ANKEF1: variants seen among roughly 807,000 people sequenced by gnomAD.
ANKEF1 encodes ankyrin repeat and EF-hand domain containing 1, also known as ankyrin repeat and EF-hand domain-containing protein 1.
ANKEF1 carries 43 observed loss-of-function variants against 65.1 expected under a neutral mutation model. The observed-to-expected ratio is 0.66, with a 90% CI of 0.52 to 0.85. The LOEUF (loss-of-function observed/expected upper bound fraction) is 0.85, where lower values mean the gene tolerates loss of function less well. Ranked by LOEUF, ANKEF1 falls within the 40% of genes least tolerant of loss-of-function variation. ANKEF1 has a pLI of 0.00. For synonymous variants in ANKEF1, 316 were observed against 341.5 expected, an observed-to-expected ratio of 0.93 and a Z score of 0.82; for missense variants, 934 against 952.9, an observed-to-expected ratio of 0.98 and a Z score of 0.26.
In ANKEF1 at chr20:10,045,675, C is replaced by T; in HGVS notation, c.798C>T (p.Cys266=). The part of the protein sequence containing the change: ...HYAAMGGFAD[C]CKYIAQRGCD... ...CTGCCATGGGTGGTTTTGCAGACTGCTGTAAATATATAGCTCAGCGAGGTA... is the reference window on the plus strand; with the variant it reads ...CTGCCATGGGTGGTTTTGCAGACTGTTGTAAATATATAGCTCAGCGAGGTA... Residue 266 remains cysteine, a synonymous_variant, in exon 6 of 11, where the codon TGC becomes TGT. Transcript: ENST00000378392. 6.2e-7 allele frequency: 1 copy of T among 1,613,702 alleles called. No homozygotes were observed. The highest frequency in any genetic ancestry group is 8.5e-7 in the Non-Finnish European group (1 of 1,179,748).
intron 6 of ANKEF1, among the ~76,000 whole-genome samples, chr20:10,046,504 G>A (rs1200528320): frequency 6.6e-6 from 1 of 152,078 alleles, no homozygotes; most frequent in Non-Finnish European, 1.5e-5. Context: ...TTTAATTTTA[G>A]ATTTTCCTGT....
chr20:10,051,905 A>G lies in ANKEF1; in HGVS notation c.1870+16A>G, dbSNP rs1984884224. On this transcript the variant is annotated intron_variant, in intron 8 of 10. Coordinates refer to ENST00000378392, the MANE Select transcript of ANKEF1 (RefSeq NM_022096.6). ...AATAGAAAAGGTATGCGTTCATATT[A>G]TTGATGATTAGGGTTAGAAAAGGAG... 1 of 1,563,654 alleles carries G rather than the reference A, an allele frequency of 6.4e-7. No homozygotes were observed. Among genetic ancestry groups the G allele is most frequent in the South Asian group, 1.1e-5 (1 of 88,396 alleles).
Position 10,045,697 on chromosome 20 carries a change from G to A in ANKEF1, c.820G>A (p.Gly274Arg). Reference protein sequence around the residue: ...ADCCKYIAQRGCDLKWKNLDH... With the variant: ...ADCCKYIAQRRCDLKWKNLDH... ...CTGCTGTAAATATATAGCTCAGCGA[G>A]GTAAAATTGTCTAGCAATTTTGTGC... Residue 274 changes from glycine (G) to arginine (R), a missense_variant and splice_region_variant, in exon 6 of 11, where the codon GGA (glycine) becomes AGA (arginine). Transcript: ENST00000378392. 1 of 1,613,052 alleles carries A rather than the reference G, an allele frequency of 6.2e-7. No individual in the cohort carries two copies. Among genetic ancestry groups the A allele is most frequent in the South Asian group, 1.1e-5 (1 of 90,982 alleles).
Position 10,049,506 on chromosome 20 carries a change from C to G in ANKEF1, c.937C>G (p.Leu313Val). ...CCGAGCAGAGAGAATCGCTAATAAA[C>G]TAGCCAGGCCAGGAGCCAAAAATCC... ...IRRAERIANK[L>V]ARPGAKNPNP... Residue 313 changes from leucine (L) to valine (V), a missense_variant, in exon 7 of 11, where the codon CTA (leucine) becomes GTA (valine). By Grantham distance (32) the Leu-to-Val change is conservative (BLOSUM62 1). Coordinates refer to ENST00000378392, the MANE Select transcript of ANKEF1 (RefSeq NM_022096.6). The G allele has an allele frequency of 6.2e-7, 1 of 1,614,008 alleles. No homozygotes were observed. The highest frequency in any genetic ancestry group is 2.2e-5 in the East Asian group (1 of 44,876).
intron 8 of ANKEF1, among the ~76,000 whole-genome samples, chr20:10,052,835 A>G (rs1043936424): frequency 3.0e-4 from 46 of 152,182 alleles, no homozygotes; most frequent in Admixed American, 2.7e-3. Flanking sequence ...ATGTAATATA[A>G]TATTTCCTAT....
chr20:10,046,586 A>ATTGG (rs1984535494), intron 6 of ANKEF1, among the ~76,000 whole-genome samples: 1 of 151,504 alleles, frequency 6.6e-6, no homozygotes, highest in Non-Finnish European at 1.5e-5. Flanking sequence ...AAATGAAAAT[A>ATTGG]TTAATTATAT....
At chr20:10,050,461 A>G (rs1421579214) in intron 7 of ANKEF1, among the ~76,000 whole-genome samples, 2 of 152,216 alleles carry the variant, frequency 1.3e-5, no homozygotes, top group Admixed American at 6.5e-5. Context: ...AATGCCCTAT[A>G]AAAGTATGTG....
chr20:10,045,566 T>C lies in ANKEF1; in HGVS notation c.697-8T>C, dbSNP rs1186035434. 1 of 1,612,752 alleles carries C rather than the reference T, an allele frequency of 6.2e-7. No individual in the cohort carries two copies. Among genetic ancestry groups the C allele is most frequent in the Admixed American group, 1.7e-5 (1 of 59,968 alleles). On this transcript the variant is annotated splice_region_variant and splice_polypyrimidine_tract_variant and intron_variant, in intron 5 of 10. Coordinates refer to ENST00000378392, the MANE Select transcript of ANKEF1 (RefSeq NM_022096.6). ...ATTCCTCCACAATATCCACTATTTA[T>C]TTTACAGATATTGAAGCTTCTTTTT...
At chr20:10,041,965 T>C (rs1984219643) in intron 3 of ANKEF1, among the ~76,000 whole-genome samples, 1 of 152,228 alleles carries the variant, frequency 6.6e-6, no homozygotes, top group African/African-American at 2.4e-5. Context: ...CAAGTTATAG[T>C]GTAGAGATCC....
At chr20:10,050,590 A>G (rs555159995) in intron 7 of ANKEF1, among the ~76,000 whole-genome samples, 3 of 142,542 alleles carry the variant, frequency 2.1e-5, no homozygotes, top group Non-Finnish European at 3.1e-5. Context: ...TAGATCTTAT[A>G]TGGGAAACCA....
At chr20:10,048,941 AC>A (rs1196827768) in intron 6 of ANKEF1, among the ~76,000 whole-genome samples, 1 of 152,214 alleles carries the variant, frequency 6.6e-6, no homozygotes, top group Non-Finnish European at 1.5e-5. Context: ...ACACAGATTT[AC>A]AGTTTAAATC....
rs1391835757 is a variant in ANKEF1 at position 10,056,394 on chromosome 20, T to C, written c.*734T>C. 1 of 151,376 alleles carries C rather than the reference T, an allele frequency of 6.6e-6. No homozygotes were observed. Among genetic ancestry groups the C allele is most frequent in the East Asian group, 2.0e-4 (1 of 5,090 alleles). The allele number at this position is 151,376 out of a possible 1,614,324, so 9.4% of individuals were successfully genotyped here. A position where few individuals can be genotyped will look rare whatever the true frequency, so the allele number is the denominator to read the frequency against. The stretch of plus-strand genomic sequence containing the variant: ...CCTTTAATTGCAGCAAAAACCGCAA[T>C]TACTTTTGCTCCAACCTGACAGCTA... On this transcript the variant is annotated 3_prime_UTR_variant, in exon 11 of 11. Coordinates refer to ENST00000378392, the MANE Select transcript of ANKEF1 (RefSeq NM_022096.6).
At chr20:10,046,246 A>T (rs1248887745) in intron 6 of ANKEF1, among the ~76,000 whole-genome samples, 2 of 152,206 alleles carry the variant, frequency 1.3e-5, no homozygotes, top group Non-Finnish European at 2.9e-5. Context: ...CAAAAAACAA[A>T]CAAACAACAA....
intron 6 of ANKEF1, 89 bp downstream of exon 6, chr20:10,045,786 G>C (rs1386558025): frequency 2.9e-6 from 4 of 1,399,264 alleles, no homozygotes; most frequent in Non-Finnish European, 3.9e-6. Flanking sequence ...TCACTTGTCA[G>C]TGGCTTATTT....
intron 4 of ANKEF1, among the ~76,000 whole-genome samples, chr20:10,044,106 C>A (rs2122237930): frequency 6.6e-6 from 1 of 152,174 alleles, no homozygotes; most frequent in African/African-American, 2.4e-5. Context: ...TCTCTTTCTC[C>A]CTTTTTATTC....
chr20:10,047,845 C>A (rs1984607412), intron 6 of ANKEF1, among the ~76,000 whole-genome samples: 1 of 152,172 alleles, frequency 6.6e-6, no homozygotes, highest in Non-Finnish European at 1.5e-5. Context: ...GCCTTTAGCT[C>A]TTTAAAGTGG....
chr20:10,036,922 G>A (rs1049399191), intron 2 of ANKEF1, among the ~76,000 whole-genome samples: 1 of 152,072 alleles, frequency 6.6e-6, no homozygotes, highest in Non-Finnish European at 1.5e-5. Context: ...CTAGCCCTGG[G>A]CACCCAACAT....
Position 10,038,659 on chromosome 20 carries a change from G to A in ANKEF1, c.346+12G>A, listed in dbSNP as rs766210721. On this transcript the variant is annotated intron_variant, in intron 3 of 10. Transcript: ENST00000378392. ...TAATGAAGGAAAAGGTAAAAATCCC[G>A]ACATCCTCTCCAGCAGATTGCAATT... The A allele has an allele frequency of 6.4e-6, 10 of 1,562,368 alleles. No individual in the cohort carries two copies. Among genetic ancestry groups the A allele is most frequent in the South Asian group, 2.3e-5 (2 of 85,942 alleles).
chr20:10,049,476 A>G lies in ANKEF1; in HGVS notation c.907A>G (p.Ile303Val). ...EGGFKAASKE[I>V]RRAERIANKL... ...CGGCTTCAAAGCAGCAAGCAAAGAA[A>G]TACGCCGAGCAGAGAGAATCGCTAA... The change falls in exon 7 of 11, where the codon ATA becomes GTA. Residue 303 changes from isoleucine (I) to valine (V), a missense_variant. Physicochemically the swap from Ile to Val is conservative, Grantham distance 29 (BLOSUM62 3). Transcript: ENST00000378392. The G allele has an allele frequency of 6.2e-7, 1 of 1,614,166 alleles. No individual in the cohort carries two copies. The highest frequency in any genetic ancestry group is 8.5e-7 in the Non-Finnish European group (1 of 1,180,010).
Sources: gnomAD v4.1 joint callset for allele counts (sites outside exome capture counted in the v4.1 genomes callset) on GRCh38, gnomAD v4.1.1 for gene constraint, MANE v1.5 for transcripts, NCBI Gene and HGNC (gene_info 2026-07-23, HGNC 2026-07-21) for gene names.